The following ACAD10 variants were observed in gnomAD, a reference collection of about 807,000 sequenced individuals.
ACAD10 encodes acyl-CoA dehydrogenase family member 10, also known as ACAD-10.
Under a neutral mutation model 116.8 loss-of-function variants are expected in ACAD10, and 112 were observed. The ratio of observed to expected loss-of-function variants is 0.96; its 90% CI spans 0.82 to 1.12. The LOEUF (loss-of-function observed/expected upper bound fraction) is 1.12, where lower values mean the gene tolerates loss of function less well. Ranked by LOEUF, ACAD10 falls within the 50% of genes most tolerant of loss-of-function variation. The probability of loss-of-function intolerance (pLI) is 0.00; values close to 1 mark genes in which losing one functional copy is unlikely to be tolerated. For synonymous variants in ACAD10, 486 were observed against 510.6 expected (o/e 0.95, Z 0.65); for missense variants, 1,259 against 1,350.2 (o/e 0.93, Z 1.06).
At chr12:111,692,632 C>T in intron 1 of ACAD10, 65 bp from the exon 2 acceptor site, 2 of 1,527,212 alleles carry the variant, frequency 1.3e-6, no homozygotes, top group South Asian at 1.2e-5. Flanking sequence ...CTCTGAGCTC[C>T]AGGATGGAGG....
intron 11 of ACAD10, among the ~76,000 whole-genome samples, chr12:111,735,559 C>T (rs1889525254): frequency 6.6e-6 from 1 of 151,468 alleles, no homozygotes; most frequent in Admixed American, 6.6e-5. Flanking sequence ...AGGTTCACAC[C>T]ATTCTCCTGC....
At chr12:111,754,830 C>T (rs977530461) in intron 19 of ACAD10, among the ~76,000 whole-genome samples, 6 of 152,242 alleles carry the variant, frequency 3.9e-5, no homozygotes, top group Non-Finnish European at 8.8e-5. Flanking sequence ...CTTATCCCTT[C>T]AGTGTGTGCT....
intron 7 of ACAD10, among the ~76,000 whole-genome samples, chr12:111,719,918 G>A (rs1238707137): frequency 6.6e-6 from 1 of 151,696 alleles, no homozygotes; most frequent in Non-Finnish European, 1.5e-5. Context: ...TAGTAGAGAC[G>A]GAGTTTCACC....
intron 12 of ACAD10, among the ~76,000 whole-genome samples, chr12:111,741,568 G>T (rs1218035719): frequency 6.6e-6 from 1 of 152,166 alleles, no homozygotes; most frequent in East Asian, 1.9e-4. Flanking sequence ...AAAAATGTCT[G>T]TTTGTTCAGG....
chr12:111,709,122 A>G (rs1028388705), intron 4 of ACAD10, among the ~76,000 whole-genome samples: 3 of 152,008 alleles, frequency 2.0e-5, no homozygotes, highest in Non-Finnish European at 2.9e-5. Flanking sequence ...TTTAGCCCCA[A>G]GATGTGACAT....
At chr12:111,742,855 G>A (rs1055154387) in intron 12 of ACAD10, among the ~76,000 whole-genome samples, 5 of 151,982 alleles carry the variant, frequency 3.3e-5, no homozygotes, top group Non-Finnish European at 5.9e-5. Context: ...GATTACAGGC[G>A]TGCATCACCA....
chr12:111,728,193 T>G, intron 9 of ACAD10, 50 bp downstream of exon 9: 1 of 1,528,726 alleles, frequency 6.5e-7, no homozygotes, highest in African/African-American at 1.4e-5. Flanking sequence ...CACTAGTGCT[T>G]CTGCTTTTAG....
chr12:111,720,285 T>C (rs1888979658), intron 7 of ACAD10, among the ~76,000 whole-genome samples: 1 of 152,256 alleles, frequency 6.6e-6, no homozygotes, highest in African/African-American at 2.4e-5. Context: ...GAGTGAGTGG[T>C]ATACAAATGT....
At chr12:111,733,514 C>T (rs1043023227) in intron 10 of ACAD10, among the ~76,000 whole-genome samples, 8 of 152,072 alleles carry the variant, frequency 5.3e-5, no homozygotes, top group South Asian at 2.1e-4. Context: ...ATCACTTCCA[C>T]GTGTCTTATA....
chr12:111,741,014 A>G (rs1889725753), intron 12 of ACAD10, among the ~76,000 whole-genome samples: 2 of 152,070 alleles, frequency 1.3e-5, no homozygotes, highest in Non-Finnish European at 2.9e-5. Flanking sequence ...TTGATCATTC[A>G]TTCCCAAGTA....
intron 2 of ACAD10, 139 bp downstream of exon 2, chr12:111,693,035 A>C: frequency 1.1e-6 from 1 of 895,478 alleles, no homozygotes; most frequent in Non-Finnish European, 1.7e-6. Flanking sequence ...TCGAATTCCA[A>C]GCACCACTAG....
chr12:111,753,887 C>T lies in ACAD10; in HGVS notation c.2933C>T (p.Ala978Val), dbSNP rs775118172. 7 of 1,610,800 alleles carry T rather than the reference C, an allele frequency of 4.3e-6. No homozygotes were observed. In the East Asian group the frequency reaches 1.6e-4, roughly 36 times the overall value. Residue 978 changes from alanine to valine, a missense_variant, in exon 19 of 21, where the codon GCC becomes GTC. By Grantham distance (64) the Ala-to-Val change is moderately conservative (BLOSUM62 0). Transcript: ENST00000313698. ...GCACGGCTGCTGGTGCTGAGAGCTG[C>T]CCACCTCATGGACCTGGCAGGAAAC... The part of the protein sequence containing the change: ...EQARLLVLRA[A>V]HLMDLAGNKA...
intron 8 of ACAD10, among the ~76,000 whole-genome samples, chr12:111,724,429 A>G (rs867717079): frequency 0.016 from 2,373 of 152,276 alleles, 72 homozygotes; most frequent in African/African-American, 0.054. Flanking sequence ...CTGCAATCTC[A>G]GCACTTTGGG....
chr12:111,693,079 C>G (rs774019879), intron 2 of ACAD10, 183 bp downstream of exon 2: 16 of 624,682 alleles, frequency 2.6e-5, no homozygotes, highest in Non-Finnish European at 4.4e-5. Context: ...GATTCAGCTT[C>G]TCCAAATCTT....
At chr12:111,743,307 AG>A (rs1889798414) in intron 12 of ACAD10, among the ~76,000 whole-genome samples, 1 of 151,632 alleles carries the variant, frequency 6.6e-6, no homozygotes, top group African/African-American at 2.4e-5. Flanking sequence ...GCTGGGGATC[AG>A]GGGGGCAGGG....
At chr12:111,752,646 G>T (rs551964096) in intron 18 of ACAD10, 11 of 151,972 alleles carry the variant, frequency 7.2e-5, no homozygotes, top group Non-Finnish European at 1.3e-4. Context: ...TATATAGAGT[G>T]TGGCTCCCGT....
Position 111,734,399 on chromosome 12 carries a change from G to C in ACAD10, c.1540+331G>C, listed in dbSNP as rs922723090. Among the ~76,000 whole-genome samples the C allele has an allele frequency of 4.6e-5, 7 of 152,170 alleles. No individual in the cohort carries two copies. The East Asian group carries it at 1.3e-3, about 29-fold the overall frequency. ...TCCCAGCACGTTGGGAGGCCAAGGC[G>C]GGTGGATCACAAGGTCAGGAGTTCC... On this transcript the variant is annotated intron_variant, in intron 11 of 20. Transcript: ENST00000313698.
At chr12:111,734,945 C>G (rs570101411) in intron 11 of ACAD10, among the ~76,000 whole-genome samples, 9 of 151,672 alleles carry the variant, frequency 5.9e-5, no homozygotes, top group African/African-American at 2.2e-4. Context: ...GGAAGACGGC[C>G]GGGCGCGGTG....
chr12:111,730,246 A>G (rs640783), intron 10 of ACAD10, among the ~76,000 whole-genome samples: 39,492 of 151,980 alleles, frequency 0.26, 6,789 homozygotes, highest in East Asian at 0.9. Flanking sequence ...GACAACCAAA[A>G]ATCTTCGCAG....
Sources: allele counts gnomAD v4.1 joint callset (sites outside exome capture counted in the v4.1 genomes callset), GRCh38; gene constraint gnomAD v4.1.1; transcripts MANE v1.5; gene names NCBI Gene and HGNC (gene_info 2026-07-23, HGNC 2026-07-21).